Variants in CRTC3 observed in about 807,000 individuals in gnomAD.
CRTC3 encodes CREB regulated transcription coactivator 3, also known as CREB-regulated transcription coactivator 3.
A neutral mutation model predicts 74.5 loss-of-function variants in CRTC3; 26 were observed. The observed-to-expected ratio is 0.35, with a 90% CI of 0.26 to 0.48. The LOEUF is 0.48. Among genes scored for constraint, CRTC3 ranks in the 20% least tolerant of loss-of-function variants. The pLI, the probability that CRTC3 is intolerant of heterozygous loss-of-function variation, is 0.99. For synonymous variants in CRTC3, 377 were observed against 325.8 expected (o/e 1.16, Z -1.69); for missense variants, 760 against 787.3 (o/e 0.97, Z 0.41).
intron 13 of CRTC3, among the ~76,000 whole-genome samples, chr15:90,640,151 C>A (rs1272342387): frequency 6.6e-6 from 1 of 152,168 alleles, no homozygotes; most frequent in Non-Finnish European, 1.5e-5. Context: ...CTCCTTGCCT[C>A]CCTGTTTCCC....
intron 3 of CRTC3, chr15:90,598,176 G>A (rs914171875): frequency 4.3e-6 from 2 of 464,252 alleles, no homozygotes; most frequent in Non-Finnish European, 7.8e-6. Flanking sequence ...TGGCTTCCAG[G>A]CTGCCCCGAC....
chr15:90,585,619 A>G (rs1285036519), intron 2 of CRTC3, among the ~76,000 whole-genome samples: 2 of 152,218 alleles, frequency 1.3e-5, no homozygotes, highest in Non-Finnish European at 2.9e-5. Flanking sequence ...TTAGGCTGCT[A>G]CAAACTAGCT....
chr15:90,641,001 G>T, intron 13 of CRTC3, 96 bp from the exon 14 acceptor site: 1 of 774,300 alleles, frequency 1.3e-6, no homozygotes. Flanking sequence ...GGATTAGTTT[G>T]CAAGTCAGGT....
intron 2 of CRTC3, among the ~76,000 whole-genome samples, chr15:90,571,597 AT>A (rs1218971013): frequency 6.6e-6 from 1 of 152,148 alleles, no homozygotes; most frequent in Admixed American, 6.6e-5. Flanking sequence ...AAGGATATTC[AT>A]TTGCTTGCCT....
At chr15:90,554,508 A>G (rs1372878320) in intron 2 of CRTC3, among the ~76,000 whole-genome samples, 3 of 152,010 alleles carry the variant, frequency 2.0e-5, no homozygotes, top group Non-Finnish European at 2.9e-5. Flanking sequence ...CAGCCAAGGT[A>G]TTTCCTCTTA....
chr15:90,553,558 A>C (rs1966867506), intron 2 of CRTC3, among the ~76,000 whole-genome samples: 1 of 152,200 alleles, frequency 6.6e-6, no homozygotes, highest in Non-Finnish European at 1.5e-5. Context: ...ATCTGGGATA[A>C]AGCCTTTGTT....
At chr15:90,601,224 C>T (rs1486614210) in intron 3 of CRTC3, among the ~76,000 whole-genome samples, 2 of 152,146 alleles carry the variant, frequency 1.3e-5, no homozygotes, top group East Asian at 1.9e-4. Context: ...ATTTGTGTCT[C>T]CGTGCGTCCA....
Position 90,604,466 on chromosome 15 carries a change from G to T in CRTC3, c.476+19G>T, listed in dbSNP as rs777700437. 1.3e-6 allele frequency: 2 copies of T among 1,588,114 alleles called. No homozygotes were observed. The highest frequency in any genetic ancestry group is 3.3e-5 in the Admixed American group (2 of 59,868). The stretch of plus-strand genomic sequence containing the variant: ...TTAACAGGTACATGGGTTGTTTCCT[G>T]GTAGGAGTAGATTTTAAAGCAATTT... On this transcript the variant is annotated intron_variant, in intron 5 of 14. Coordinates refer to ENST00000268184, the MANE Select transcript of CRTC3 (RefSeq NM_022769.5).
At chr15:90,579,123 A>T (rs568159274) in intron 2 of CRTC3, among the ~76,000 whole-genome samples, 1 of 152,348 alleles carries the variant, frequency 6.6e-6, no homozygotes, top group East Asian at 1.9e-4. Flanking sequence ...CCCCTAAACA[A>T]TACAGTATGA....
At chr15:90,629,837 C>T (rs988794915) in intron 11 of CRTC3, among the ~76,000 whole-genome samples, 1 of 152,158 alleles carries the variant, frequency 6.6e-6, no homozygotes. Flanking sequence ...ATCTTCTCAC[C>T]TTAGTCTTCG....
Position 90,641,169 on chromosome 15 carries a change from T to G in CRTC3, c.1621T>G (p.Cys541Gly), listed in dbSNP as rs1238697674. 4 of 1,613,814 alleles carry G rather than the reference T, an allele frequency of 2.5e-6. No homozygotes were observed. The African/African-American group carries it at 5.3e-5, about 22-fold the overall frequency. ...FHLRPSPYSN[C>G]GSLPNTILPE... ...TTTGAGACCAAGCCCGTATTCCAAC[T>G]GCGGGAGTCTCCCGAACACCATCCT... Residue 541 changes from cysteine to glycine, a missense_variant, in exon 14 of 15, where the codon TGC (cysteine) becomes GGC (glycine). Coordinates refer to ENST00000268184, the MANE Select transcript of CRTC3 (RefSeq NM_022769.5).
At chr15:90,574,360 C>G (rs1967350078) in intron 2 of CRTC3, among the ~76,000 whole-genome samples, 1 of 151,996 alleles carries the variant, frequency 6.6e-6, no homozygotes, top group Admixed American at 6.6e-5. Flanking sequence ...CACCTGTAGT[C>G]CCAGCTACTC....
chr15:90,610,440 A>G lies in CRTC3; in HGVS notation c.577+2962A>G, dbSNP rs527810532. Among the ~76,000 whole-genome samples the G allele has an allele frequency of 5.9e-5, 9 of 152,372 alleles. 1 individual carries two copies. Among genetic ancestry groups the G allele is most frequent in the African/African-American group, 1.9e-4 (8 of 41,594 alleles). ...TGCTCACGGCTTAACTACATGAGCA[A>G]TAAACTATGATACATTCATGAGTGG... On this transcript the variant is annotated intron_variant, in intron 6 of 14. Coordinates refer to ENST00000268184, the MANE Select transcript of CRTC3 (RefSeq NM_022769.5).
At chr15:90,542,568 G>C (rs1966820639) in intron 2 of CRTC3, among the ~76,000 whole-genome samples, 1 of 152,078 alleles carries the variant, frequency 6.6e-6, no homozygotes, top group African/African-American at 2.4e-5. Context: ...TACAAGCAAA[G>C]ACGTTGTTCT....
Position 90,617,751 on chromosome 15 carries a change from A to C in CRTC3, c.614-132A>C, listed in dbSNP as rs965611006. 9 of 607,886 alleles carry C rather than the reference A, an allele frequency of 1.5e-5. No individual in the cohort carries two copies. The African/African-American group carries it at 1.7e-4, about 11-fold the overall frequency. The allele number at this position is 607,886 out of a possible 1,614,324, so 37.7% of individuals were successfully genotyped here. ...TCACTATGTTGCCCAGGCTTGTCTCAAACTCCTGGGCTCAAGCGATCCTCC... is the reference window on the plus strand; with the variant it reads ...TCACTATGTTGCCCAGGCTTGTCTCCAACTCCTGGGCTCAAGCGATCCTCC... On this transcript the variant is annotated intron_variant, in intron 7 of 14. Transcript: ENST00000268184.
At chr15:90,589,410 G>A (rs1022093346) in intron 2 of CRTC3, among the ~76,000 whole-genome samples, 7 of 152,138 alleles carry the variant, frequency 4.6e-5, no homozygotes, top group African/African-American at 1.7e-4. Flanking sequence ...GGAGTACAGT[G>A]GCTCAATCAT....
chr15:90,539,570 A>G (rs761924462), intron 1 of CRTC3: 12 of 169,488 alleles, frequency 7.1e-5, no homozygotes, highest in South Asian at 1.5e-4. Flanking sequence ...TTACTCTGTA[A>G]TAGCATAGAA....
chr15:90,568,059 C>A (rs541125831), intron 2 of CRTC3, among the ~76,000 whole-genome samples: 24 of 152,266 alleles, frequency 1.6e-4, no homozygotes, highest in Non-Finnish European at 2.5e-4. Context: ...TTGCTTCTAA[C>A]CCTATTGGAT....
intron 6 of CRTC3, among the ~76,000 whole-genome samples, chr15:90,608,040 G>A (rs554449597): frequency 2.6e-5 from 4 of 152,284 alleles, no homozygotes; most frequent in Non-Finnish European, 5.9e-5. Flanking sequence ...GGTCAGGCAA[G>A]CCTCGGGGAG....
Sources: gnomAD v4.1 joint callset for allele counts (sites outside exome capture counted in the v4.1 genomes callset) on GRCh38, gnomAD v4.1.1 for gene constraint, MANE v1.5 for transcripts, NCBI Gene and HGNC (gene_info 2026-07-23, HGNC 2026-07-21) for gene names.